The following XRCC6 variants were observed in gnomAD, a reference collection of about 807,000 sequenced individuals.
XRCC6 encodes X-ray repair cross complementing 6, also known as DNA repair protein Ku70.
Under a neutral mutation model 65.7 loss-of-function variants are expected in XRCC6, and 5 were observed. That is an observed-to-expected ratio of 0.08 (90% CI 0.04 to 0.16). The LOEUF (loss-of-function observed/expected upper bound fraction) is 0.16, where lower values mean the gene tolerates loss of function less well. Among genes scored for constraint, XRCC6 ranks in the 10% least tolerant of loss-of-function variants. The pLI is 1.00. For missense variants in XRCC6, 447 were observed against 738.1 expected, an observed-to-expected ratio of 0.61 and a Z score of 4.57; for synonymous variants, 270 against 270.6, an observed-to-expected ratio of 1.00 and a Z score of 0.02.
intron 12 of XRCC6, among the ~76,000 whole-genome samples, chr22:41,661,878 T>C (rs1288810510): frequency 6.6e-6 from 1 of 152,212 alleles, no homozygotes; most frequent in Non-Finnish European, 1.5e-5. Context: ...GAAAATGTGG[T>C]ACACGTACAC....
rs1053688452 is a variant in XRCC6 at position 41,652,702 on chromosome 22, C to G, written c.1130-827C>G. 1.1e-4 allele frequency among the ~76,000 whole-genome samples: 15 copies of G among 136,344 alleles called. 1 individual carries two copies. Among genetic ancestry groups the G allele is most frequent in the Non-Finnish European group, 1.9e-4 (12 of 62,596 alleles). The allele number at this position is 136,344 out of a possible 152,430, so 89.4% of individuals were successfully genotyped here. A position where few individuals can be genotyped will look rare whatever the true frequency, so the allele number is the denominator to read the frequency against. On this transcript the variant is annotated intron_variant, in intron 8 of 12. Transcript: ENST00000360079. ...TTCTGTTTGTTTGTTTTGAAACAGTCTCACTCTGTCGCCCAGGCTGGAATG... is the reference window on the plus strand; with the variant it reads ...TTCTGTTTGTTTGTTTTGAAACAGTGTCACTCTGTCGCCCAGGCTGGAATG...
At chr22:41,622,285 T>G (rs1226261048) in intron 2 of XRCC6, among the ~76,000 whole-genome samples, 199 bp downstream of exon 2, 4 of 152,206 alleles carry the variant, frequency 2.6e-5, no homozygotes, top group Non-Finnish European at 4.4e-5. Context: ...CCCTAAGTTT[T>G]TTTTGGACAC....
intron 7 of XRCC6, chr22:41,647,990 C>A (rs1174262821): frequency 2.0e-5 from 3 of 150,798 alleles, no homozygotes; most frequent in Non-Finnish European, 4.4e-5. Flanking sequence ...CTTCTCCTTC[C>A]CTTTCCTTTT....
At chr22:41,628,338 C>A in intron 3 of XRCC6, 108 bp downstream of exon 3, 1 of 862,248 alleles carries the variant, frequency 1.2e-6, no homozygotes, top group Non-Finnish European at 1.8e-6. Flanking sequence ...ACGGGCAGAT[C>A]ACTTGAGCCT....
intron 12 of XRCC6, among the ~76,000 whole-genome samples, chr22:41,662,118 A>G (rs2068105320): frequency 6.6e-6 from 1 of 152,104 alleles, no homozygotes; most frequent in Non-Finnish European, 1.5e-5. Flanking sequence ...GTTAATGGGT[A>G]CAAAAAAAAA....
intron 9 of XRCC6, among the ~76,000 whole-genome samples, chr22:41,655,844 G>A (rs1339194553): frequency 2.6e-5 from 4 of 151,600 alleles, no homozygotes; most frequent in Non-Finnish European, 2.9e-5. Flanking sequence ...GCTTACCGAC[G>A]TGAGCCACCA....
chr22:41,629,536 A>G (rs1483922344), intron 3 of XRCC6, among the ~76,000 whole-genome samples: 1 of 152,246 alleles, frequency 6.6e-6, no homozygotes, highest in Non-Finnish European at 1.5e-5. Context: ...CCTGAGGCAC[A>G]GGGAAGAGAG....
chr22:41,632,808 G>A (rs2067769594), intron 3 of XRCC6, among the ~76,000 whole-genome samples: 1 of 149,718 alleles, frequency 6.7e-6, no homozygotes, highest in African/African-American at 2.5e-5. Flanking sequence ...GGGCAACAGA[G>A]TAAGACCCTG....
At chr22:41,623,497 C>A (rs1435606990) in intron 2 of XRCC6, among the ~76,000 whole-genome samples, 1 of 151,588 alleles carries the variant, frequency 6.6e-6, no homozygotes, top group Admixed American at 6.6e-5. Context: ...ATGCCATTCT[C>A]CTGCCTCAGC....
intron 6 of XRCC6, among the ~76,000 whole-genome samples, chr22:41,638,167 A>G (rs2067829958): frequency 6.6e-6 from 1 of 152,124 alleles, no homozygotes; most frequent in African/African-American, 2.4e-5. Context: ...ATTTCTCTAA[A>G]GTAACACAGC....
intron 6 of XRCC6, among the ~76,000 whole-genome samples, chr22:41,643,677 T>G (rs113704698): frequency 2.0e-5 from 3 of 151,070 alleles, no homozygotes; most frequent in African/African-American, 7.3e-5. Context: ...AAAAATTAGC[T>G]GGGCGTGGTG....
Position 41,637,773 on chromosome 22 carries a change from G to C in XRCC6, c.755G>C (p.Arg252Thr). The C allele has an allele frequency of 6.2e-7, 1 of 1,613,866 alleles. No homozygotes were observed. The highest frequency in any genetic ancestry group is 2.2e-5 in the East Asian group (1 of 44,864). ...LLRKVRAKET[R>T]KRALSRLKLK... Reference sequence around the variant, plus strand: ...CGGAAGGTTCGCGCCAAGGAGACCAGGAAGCGAGCACTCAGCAGGTGTGCA... The same window carrying C: ...CGGAAGGTTCGCGCCAAGGAGACCACGAAGCGAGCACTCAGCAGGTGTGCA... Residue 252 changes from arginine (R) to threonine (T), a missense_variant, in exon 6 of 13, where the codon AGG becomes ACG. Transcript: ENST00000360079.
chr22:41,639,769 TCTC>T (rs936558072), intron 6 of XRCC6, among the ~76,000 whole-genome samples: 8 of 147,208 alleles, frequency 5.4e-5, no homozygotes, highest in African/African-American at 2.0e-4. Context: ...TTCATGCCAT[TCTC>T]CTGCCTCAGC....
At chr22:41,628,668 G>T (rs1404684809) in intron 3 of XRCC6, among the ~76,000 whole-genome samples, 1 of 152,028 alleles carries the variant, frequency 6.6e-6, no homozygotes, top group Non-Finnish European at 1.5e-5. Context: ...ACAGGCACAG[G>T]ACTTGAAAAG....
intron 6 of XRCC6, among the ~76,000 whole-genome samples, chr22:41,643,813 T>TC (rs1449576067): frequency 8.3e-6 from 1 of 120,326 alleles, no homozygotes; most frequent in Admixed American, 8.8e-5. Flanking sequence ...AGAGTGAGAC[T>TC]CCATCTCAAA....
At chr22:41,622,112 A>C in intron 2 of XRCC6, 26 bp downstream of exon 2, 1 of 1,613,108 alleles carries the variant, frequency 6.2e-7, no homozygotes, top group African/African-American at 1.3e-5. Context: ...ATGTAGTGCC[A>C]TTCGGTGTGT....
At chr22:41,634,691 C>T (rs561101342) in intron 3 of XRCC6, among the ~76,000 whole-genome samples, 2 of 152,168 alleles carry the variant, frequency 1.3e-5, no homozygotes, top group Non-Finnish European at 2.9e-5. Flanking sequence ...ATTACAGGCA[C>T]GTGCTACCAC....
chr22:41,631,154 C>T (rs1261692640), intron 3 of XRCC6, among the ~76,000 whole-genome samples: 5 of 151,004 alleles, frequency 3.3e-5, no homozygotes, highest in African/African-American at 1.2e-4. Context: ...ACCCCCCCAC[C>T]TCCCTCCCGG....
At chr22:41,656,644 C>T (rs192366375) in intron 9 of XRCC6, among the ~76,000 whole-genome samples, 1 of 152,298 alleles carries the variant, frequency 6.6e-6, no homozygotes, top group African/African-American at 2.4e-5. Context: ...CTCCCGGGTT[C>T]TTCAAACATA....
Sources: gnomAD v4.1 joint callset for allele counts (sites outside exome capture counted in the v4.1 genomes callset) on GRCh38, gnomAD v4.1.1 for gene constraint, MANE v1.5 for transcripts, NCBI Gene and HGNC (gene_info 2026-07-23, HGNC 2026-07-21) for gene names.